TRIM67: variants seen among roughly 807,000 people sequenced by gnomAD.
TRIM67 encodes the protein tripartite motif containing 67, also known as tripartite motif-containing protein 67.
A neutral mutation model predicts 71.0 loss-of-function variants in TRIM67; 39 were observed. That is an observed-to-expected ratio of 0.55 (90% CI 0.43 to 0.72). The LOEUF (loss-of-function observed/expected upper bound fraction) is 0.72, where lower values mean the gene tolerates loss of function less well. TRIM67 is among the 30% of genes least tolerant of loss of function. The pLI is 0.00. For missense variants in TRIM67, 973 were observed against 1,079.2 expected (o/e 0.90, Z 1.38); for synonymous variants, 481 against 473.9 (o/e 1.01, Z -0.19).
intron 8 of TRIM67, among the ~76,000 whole-genome samples, chr1:231,213,391 T>C (rs1341120799): frequency 2.0e-5 from 3 of 152,142 alleles, no homozygotes; most frequent in Non-Finnish European, 4.4e-5. Flanking sequence ...CACCACCACC[T>C]TGGGGACTAT....
Position 231,199,158 on chromosome 1 carries a change from C to A in TRIM67, c.1252C>A (p.His418Asn). 6.2e-7 allele frequency: 1 copy of A among 1,613,958 alleles called. No individual in the cohort carries two copies. Among genetic ancestry groups the A allele is most frequent in the Non-Finnish European group, 8.5e-7 (1 of 1,179,876 alleles). Residue 418 changes from histidine (H) to asparagine (N), a missense_variant, in exon 3 of 10, where the codon CAC (histidine) becomes AAC (asparagine). This residue lies in a region of TRIM67 where 795 missense variants were observed against 831.3 expected (regional missense o/e 0.96). Coordinates refer to ENST00000366653, the MANE Select transcript of TRIM67 (RefSeq NM_001004342.5). The stretch of plus-strand genomic sequence containing the variant: ...CACCAAGGTGACTAAAGAGAGGGAA[C>A]ACAAGTTGAAGGTAGGTACCTGGGG... ...LLTKVTKERE[H>N]KLKMVWDQIN...
chr1:231,168,524 C>A (rs1682539663), intron 1 of TRIM67, among the ~76,000 whole-genome samples: 1 of 152,122 alleles, frequency 6.6e-6, no homozygotes, highest in Non-Finnish European at 1.5e-5. Flanking sequence ...AAAGATGACA[C>A]CTACTTTCTT....
intron 1 of TRIM67, among the ~76,000 whole-genome samples, chr1:231,183,510 G>A (rs1682965844): frequency 6.6e-6 from 1 of 152,130 alleles, no homozygotes; most frequent in Non-Finnish European, 1.5e-5. Context: ...TTACTTGGGA[G>A]GCTGAGGCAG....
intron 1 of TRIM67, chr1:231,185,029 T>A: frequency 6.5e-7 from 1 of 1,532,976 alleles, no homozygotes; most frequent in Non-Finnish European, 8.7e-7. Context: ...TTATTCTGCT[T>A]GCAGGGCCTA....
intron 1 of TRIM67, among the ~76,000 whole-genome samples, chr1:231,180,987 G>A (rs1201658660): frequency 6.6e-6 from 1 of 151,762 alleles, no homozygotes; most frequent in African/African-American, 2.4e-5. Flanking sequence ...GTTTGTTTGT[G>A]ATGGAGTCTC....
intron 1 of TRIM67, among the ~76,000 whole-genome samples, chr1:231,171,814 T>C (rs1682626186): frequency 6.6e-6 from 1 of 152,126 alleles, no homozygotes; most frequent in Admixed American, 6.6e-5. Context: ...AAAAAACAAG[T>C]CTGGGCATGG....
rs1682322455 is a variant in TRIM67 at position 231,162,754 on chromosome 1, G to T, written c.-216G>T. 8.4e-6 allele frequency: 5 copies of T among 597,224 alleles called. No individual in the cohort carries two copies. Among genetic ancestry groups the T allele is most frequent in the South Asian group, 6.6e-5 (3 of 45,326 alleles). The allele number at this position is 597,224 out of a possible 1,614,324, so 37.0% of individuals were successfully genotyped here. A position where few individuals can be genotyped will look rare whatever the true frequency, so the allele number is the denominator to read the frequency against. On this transcript the variant is annotated 5_prime_UTR_variant, in exon 1 of 10. Transcript: ENST00000366653. ...GGTGCGGGACCCTCGGGCAGGAGGTGAGGACCCCCTCCCTTCTCTCGCCCC... is the reference window on the plus strand; with the variant it reads ...GGTGCGGGACCCTCGGGCAGGAGGTTAGGACCCCCTCCCTTCTCTCGCCCC...
At chr1:231,190,099 C>T (rs1265550505) in intron 1 of TRIM67, among the ~76,000 whole-genome samples, 1 of 152,182 alleles carries the variant, frequency 6.6e-6, no homozygotes, top group Non-Finnish European at 1.5e-5. Context: ...CAATAAGAAA[C>T]TAATGTCCCA....
intron 1 of TRIM67, chr1:231,187,561 G>T (rs1683118568): frequency 1.3e-6 from 2 of 1,532,576 alleles, no homozygotes; most frequent in Non-Finnish European, 1.7e-6. Context: ...AATCCCCTGT[G>T]GTCCATTTCA....
In TRIM67 at chr1:231,163,420, T is replaced by C; in HGVS notation, c.451T>C (p.Ser151Pro). Reference sequence around the variant, plus strand: ...TCGGGGTGCCGCCTGCTCCTCGCTGTCCTCGTCTTCGAGCTCCATCACGTG... The same window carrying C: ...TCGGGGTGCCGCCTGCTCCTCGCTGCCCTCGTCTTCGAGCTCCATCACGTG... Reference protein sequence around the residue: ...AARGAACSSLSSSSSSITCPQ... With the variant: ...AARGAACSSLPSSSSSITCPQ... The change falls in exon 1 of 10, where the codon TCC (serine) becomes CCC (proline). Residue 151 changes from serine to proline, a missense_variant. Around this residue, in one of 2 missense-constraint regions of TRIM67, gnomAD observed 795 missense variants for 831.3 expected, o/e 0.96. Transcript: ENST00000366653. The C allele has an allele frequency of 6.5e-7, 1 of 1,538,634 alleles. No homozygotes were observed. Among genetic ancestry groups the C allele is most frequent in the South Asian group, 1.2e-5 (1 of 82,928 alleles).
rs745841002 is a variant in TRIM67, at chr1:231,203,963, T to C, written c.1631T>C (p.Val544Ala). 4 of 1,613,870 alleles carry C rather than the reference T, an allele frequency of 2.5e-6. No individual in the cohort carries two copies. The South Asian group carries it at 4.4e-5, about 18-fold the overall frequency. Residue 544 changes from valine to alanine, a missense_variant, in exon 6 of 10, where the codon GTG (valine) becomes GCG (alanine). Around this residue, in one of 2 missense-constraint regions of TRIM67, gnomAD observed 795 missense variants for 831.3 expected, o/e 0.96. Coordinates refer to ENST00000366653, the MANE Select transcript of TRIM67 (RefSeq NM_001004342.5). ...WRMPPFTHSP[V>A]DGYILELDDG... is the part of the protein sequence containing the mutation. ...ATGCCACCCTTCACCCACAGCCCCG[T>C]GGACGGCTACATCCTGGAGCTGGAC...
At chr1:231,196,591 C>A (rs574822052) in intron 1 of TRIM67, among the ~76,000 whole-genome samples, 1 of 151,376 alleles carries the variant, frequency 6.6e-6, no homozygotes, top group Non-Finnish European at 1.5e-5. Flanking sequence ...AAAAAAAAAT[C>A]AAGGTCACAG....
chr1:231,203,502 C>A (rs1376104670), intron 5 of TRIM67, among the ~76,000 whole-genome samples: 1 of 152,324 alleles, frequency 6.6e-6, no homozygotes, highest in Admixed American at 6.5e-5. Context: ...TCTGTTGGAA[C>A]TGTTGATGCG....
At chr1:231,208,438 T>C (rs1235133312) in intron 7 of TRIM67, among the ~76,000 whole-genome samples, 1 of 152,122 alleles carries the variant, frequency 6.6e-6, no homozygotes, top group Non-Finnish European at 1.5e-5. Context: ...CCTCCCAAAG[T>C]GCTGGGATTA....
At chr1:231,200,844 C>T (rs781512947) in intron 4 of TRIM67, among the ~76,000 whole-genome samples, 6 of 152,128 alleles carry the variant, frequency 3.9e-5, no homozygotes, top group East Asian at 1.9e-4. Flanking sequence ...CAGGACTTTC[C>T]AGCAAAAGGG....
Position 231,189,865 on chromosome 1 carries a change from C to T in TRIM67, c.1045-7506C>T, listed in dbSNP as rs1425145193. Among the ~76,000 whole-genome samples, 9 of 152,132 alleles carry T rather than the reference C, an allele frequency of 5.9e-5. No individual in the cohort carries two copies. The South Asian group carries it at 6.2e-4, about 11-fold the overall frequency. Reference sequence around the variant, plus strand: ...TCAGACCATAGCACATGAAGTTGAACGATGCCAGGAAGGGGCCGCAAGCCA... The same window carrying T: ...TCAGACCATAGCACATGAAGTTGAATGATGCCAGGAAGGGGCCGCAAGCCA... On this transcript the variant is annotated intron_variant, in intron 1 of 9. Transcript: ENST00000366653.
At chr1:231,214,573 G>A (rs1239046048) in intron 9 of TRIM67, among the ~76,000 whole-genome samples, 1 of 150,898 alleles carries the variant, frequency 6.6e-6, no homozygotes, top group Non-Finnish European at 1.5e-5. Context: ...TCAGGAGATC[G>A]AGACCATCCT....
rs1683991681 is a variant in TRIM67, at chr1:231,215,448, C to T, written c.*8C>T. 1 of 1,603,106 alleles carries T rather than the reference C, an allele frequency of 6.2e-7. No individual in the cohort carries two copies. Among genetic ancestry groups the T allele is most frequent in the South Asian group, 1.1e-5 (1 of 89,310 alleles). ...AAGCTGTCAGGCAATTAGCCCCGCT[C>T]CAGCTCGGCACTGTGCCTGTGACAG... is the stretch of plus-strand genomic sequence containing the variant. On this transcript the variant is annotated 3_prime_UTR_variant, in exon 10 of 10. Coordinates refer to ENST00000366653, the MANE Select transcript of TRIM67 (RefSeq NM_001004342.5).
rs1682363935 is a variant in TRIM67 at position 231,163,720 on chromosome 1, G to A, written c.751G>A (p.Val251Met). The A allele has an allele frequency of 1.3e-6, 2 of 1,498,566 alleles. No homozygotes were observed. Among genetic ancestry groups the A allele is most frequent in the South Asian group, 1.3e-5 (1 of 79,138 alleles). 92.8% of individuals were successfully genotyped at this position (1,498,566 alleles called of 1,614,324 possible). Residue 251 changes from valine to methionine, a missense_variant, in exon 1 of 10, where the codon GTG (valine) becomes ATG (methionine). Physicochemically the swap from Val to Met is conservative, Grantham distance 21. This residue lies in a region of TRIM67 where 795 missense variants were observed against 831.3 expected (regional missense o/e 0.96). Transcript: ENST00000366653. Reference sequence around the variant, plus strand: ...GGGACCCTTCGCCAAGCATCGCCTGGTGCAGCCGCCGCCGCCGCCGCCGCC... The same window carrying A: ...GGGACCCTTCGCCAAGCATCGCCTGATGCAGCCGCCGCCGCCGCCGCCGCC... Reference protein sequence around the residue: ...SRGPFAKHRLVQPPPPPPPPA... With the variant: ...SRGPFAKHRLMQPPPPPPPPA...
Sources: allele counts gnomAD v4.1 joint callset (sites outside exome capture counted in the v4.1 genomes callset), GRCh38; gene constraint gnomAD v4.1.1; regional missense constraint gnomAD v4.1.1; transcripts MANE v1.5; gene names NCBI Gene and HGNC (gene_info 2026-07-23, HGNC 2026-07-21).